CTNNA3: variants seen among roughly 807,000 people sequenced by gnomAD.
CTNNA3 encodes the protein catenin alpha 3.
A neutral mutation model predicts 95.7 loss-of-function variants in CTNNA3; 76 were observed. The ratio of observed to expected loss-of-function variants is 0.79; its 90% CI spans 0.66 to 0.96. The LOEUF (loss-of-function observed/expected upper bound fraction) is 0.96, where lower values mean the gene tolerates loss of function less well. CTNNA3 is among the 40% of genes least tolerant of loss of function. CTNNA3 has a pLI of 0.00. For synonymous variants in CTNNA3, 431 were observed against 374.4 expected (o/e 1.15, Z -1.74); for missense variants, 1,191 against 1,089.8 (o/e 1.09, Z -1.31).
intron 7 of CTNNA3, among the ~76,000 whole-genome samples, chr10:66,895,054 CAAAAAAA>C (rs537843933): frequency 8.7e-6 from 1 of 115,588 alleles, no homozygotes; most frequent in South Asian, 2.8e-4. Context: ...AACAAATAAA[CAAAAAAA>C]AAAAAAAAAA....
intron 12 of CTNNA3, among the ~76,000 whole-genome samples, chr10:66,325,156 A>T (rs919319800): frequency 5.3e-5 from 8 of 152,102 alleles, no homozygotes; most frequent in African/African-American, 1.9e-4. Flanking sequence ...CACGAAAGGC[A>T]GGAGTGCAAA....
chr10:67,439,059 G>T (rs1333379704), intron 5 of CTNNA3, among the ~76,000 whole-genome samples: 1 of 152,144 alleles, frequency 6.6e-6, no homozygotes, highest in Non-Finnish European at 1.5e-5. Flanking sequence ...CCTAGGGACA[G>T]AGTGAAAAAC....
chr10:67,383,067 T>A (rs1233164183), intron 5 of CTNNA3, among the ~76,000 whole-genome samples: 2 of 152,156 alleles, frequency 1.3e-5, no homozygotes, highest in Non-Finnish European at 2.9e-5. Flanking sequence ...AATGCAGTGT[T>A]TATCAAAGGC....
chr10:67,201,285 G>A (rs1490506276), intron 6 of CTNNA3, among the ~76,000 whole-genome samples: 1 of 152,140 alleles, frequency 6.6e-6, no homozygotes, highest in Non-Finnish European at 1.5e-5. Context: ...TTGTCAGGCT[G>A]CTTAACAAAT....
intron 9 of CTNNA3, among the ~76,000 whole-genome samples, chr10:66,692,480 A>C: frequency 6.6e-6 from 1 of 151,892 alleles, no homozygotes; most frequent in African/African-American, 2.4e-5. Flanking sequence ...CCAAATCTAC[A>C]TCTGATTGGT....
At chr10:66,731,305 C>T (rs1285403579) in intron 9 of CTNNA3, among the ~76,000 whole-genome samples, 1 of 152,168 alleles carries the variant, frequency 6.6e-6, no homozygotes, top group African/African-American at 2.4e-5. Flanking sequence ...TACAATATTG[C>T]TAATGAATTG....
chr10:66,854,770 A>T (rs1400931999), intron 7 of CTNNA3, among the ~76,000 whole-genome samples: 5 of 149,824 alleles, frequency 3.3e-5, no homozygotes, highest in Non-Finnish European at 7.4e-5. Flanking sequence ...ATAGGCTTGG[A>T]TGTGTAAAGT....
intron 7 of CTNNA3, among the ~76,000 whole-genome samples, chr10:66,916,377 A>G (rs968009761): frequency 6.6e-6 from 1 of 152,242 alleles, no homozygotes; most frequent in Non-Finnish European, 1.5e-5. Context: ...CAAAAATATT[A>G]TAAGAATTAA....
At chr10:67,694,331 A>ATAGATGTG (rs1840923922) in intron 1 of CTNNA3, among the ~76,000 whole-genome samples, 1 of 151,988 alleles carries the variant, frequency 6.6e-6, no homozygotes, top group African/African-American at 2.4e-5. Flanking sequence ...CCTGATAACA[A>ATAGATGTG]TGTTTTGCAC....
At chr10:66,643,806 G>A (rs1000327078) in intron 9 of CTNNA3, among the ~76,000 whole-genome samples, 2 of 152,028 alleles carry the variant, frequency 1.3e-5, no homozygotes, top group Admixed American at 1.3e-4. Context: ...TTCTACCTTT[G>A]TTAGGTATAT....
intron 5 of CTNNA3, among the ~76,000 whole-genome samples, chr10:67,351,483 T>C (rs542742075): frequency 6.6e-6 from 1 of 152,048 alleles, no homozygotes; most frequent in South Asian, 2.1e-4. Context: ...ACAAAAAAGA[T>C]AATGTAACTG....
At chr10:67,494,736 C>T (rs1020699463) in intron 5 of CTNNA3, among the ~76,000 whole-genome samples, 10 of 152,210 alleles carry the variant, frequency 6.6e-5, no homozygotes, top group African/African-American at 2.4e-4. Flanking sequence ...GACAGACTAA[C>T]CCATCAAGAA....
At chr10:67,075,523 A>AC (rs1856703670) in intron 7 of CTNNA3, among the ~76,000 whole-genome samples, 1 of 152,182 alleles carries the variant, frequency 6.6e-6, no homozygotes. Context: ...AGATTCTCCA[A>AC]CGTCACGAGA....
intron 11 of CTNNA3, among the ~76,000 whole-genome samples, chr10:66,408,477 A>T (rs1189174367): frequency 6.6e-6 from 1 of 152,144 alleles, no homozygotes; most frequent in Non-Finnish European, 1.5e-5. Context: ...GGTCTTGTTA[A>T]AATTATAAAG....
At chr10:67,066,807 T>G (rs1310530482) in intron 7 of CTNNA3, among the ~76,000 whole-genome samples, 1 of 152,244 alleles carries the variant, frequency 6.6e-6, no homozygotes, top group Non-Finnish European at 1.5e-5. Flanking sequence ...CTCTTCTAGC[T>G]TACCATCTAG....
At chr10:67,329,230 G>C (rs557787631) in intron 5 of CTNNA3, among the ~76,000 whole-genome samples, 1 of 152,272 alleles carries the variant, frequency 6.6e-6, no homozygotes, top group Admixed American at 6.5e-5. Context: ...AATTAGCTGG[G>C]CATAGTGATG....
chr10:66,273,138 T>C (rs781141849), intron 13 of CTNNA3, among the ~76,000 whole-genome samples: 3 of 152,196 alleles, frequency 2.0e-5, no homozygotes, highest in Non-Finnish European at 2.9e-5. Flanking sequence ...TTTCACCTTT[T>C]CACTTAAAGG....
intron 17 of CTNNA3, among the ~76,000 whole-genome samples, chr10:65,924,565 C>A (rs755029127): frequency 2.6e-5 from 4 of 152,128 alleles, no homozygotes; most frequent in Non-Finnish European, 4.4e-5. Flanking sequence ...ATCATTCTAC[C>A]ATTTTGATAA....
intron 10 of CTNNA3, among the ~76,000 whole-genome samples, chr10:66,598,471 G>T (rs1004685247): frequency 6.6e-6 from 1 of 151,926 alleles, no homozygotes; most frequent in African/African-American, 2.4e-5. Flanking sequence ...AAGTCAAATT[G>T]TTCTTGTTTG....
Sources: gnomAD v4.1 joint callset for allele counts (sites outside exome capture counted in the v4.1 genomes callset) on GRCh38, gnomAD v4.1.1 for gene constraint, MANE v1.5 for transcripts, NCBI Gene and HGNC (gene_info 2026-07-23, HGNC 2026-07-21) for gene names.